EPHB1: variants seen among roughly 807,000 people sequenced by gnomAD.
The protein encoded by EPHB1 is ephrin type-B receptor 1.
In EPHB1, 30 loss-of-function variants were observed where a neutral mutation model predicts 94.4. The observed-to-expected ratio is 0.32, with a 90% CI of 0.24 to 0.43. The LOEUF (loss-of-function observed/expected upper bound fraction) is 0.43. EPHB1 is among the 20% of genes least tolerant of loss of function. The probability of loss-of-function intolerance (pLI) is 1.00; values close to 1 mark genes in which losing one functional copy is unlikely to be tolerated. For missense variants in EPHB1, 1,055 were observed against 1,308.3 expected (o/e 0.81, Z 2.99); for synonymous variants, 522 against 489.1 (o/e 1.07, Z -0.89).
chr3:134,941,014 T>G (rs2039105075), intron 2 of EPHB1, among the ~76,000 whole-genome samples: 1 of 152,206 alleles, frequency 6.6e-6, no homozygotes. Flanking sequence ...TATTCCTGTC[T>G]TAAATAAAGG....
chr3:134,932,497 T>G (rs2038925454), intron 2 of EPHB1, among the ~76,000 whole-genome samples: 1 of 152,312 alleles, frequency 6.6e-6, no homozygotes, highest in South Asian at 2.1e-4. Context: ...GGAGAAGCAG[T>G]TAAGGCCTCA....
chr3:135,086,932 T>C (rs529211461), intron 3 of EPHB1, among the ~76,000 whole-genome samples: 1 of 152,304 alleles, frequency 6.6e-6, no homozygotes, highest in Non-Finnish European at 1.5e-5. Context: ...CTGTTCTCTA[T>C]TTTTTGCCTC....
chr3:134,933,547 A>AG (rs1041010022), intron 2 of EPHB1, among the ~76,000 whole-genome samples: 1 of 151,842 alleles, frequency 6.6e-6, no homozygotes, highest in Non-Finnish European at 1.5e-5. Flanking sequence ...GATGCTAGGT[A>AG]GGAAAAAAAA....
chr3:134,884,356 A>T (rs980515728), intron 1 of EPHB1, among the ~76,000 whole-genome samples: 3 of 152,220 alleles, frequency 2.0e-5, no homozygotes, highest in South Asian at 2.1e-4. Flanking sequence ...CTATTACTTT[A>T]TTAAGCCTCA....
At chr3:135,156,846 C>A (rs1941370773) in intron 6 of EPHB1, among the ~76,000 whole-genome samples, 2 of 152,322 alleles carry the variant, frequency 1.3e-5, no homozygotes, top group Non-Finnish European at 2.9e-5. Context: ...TATTTTGGAA[C>A]AATGTGTTTA....
intron 2 of EPHB1, among the ~76,000 whole-genome samples, chr3:134,940,323 G>A (rs1324667771): frequency 6.6e-6 from 1 of 152,160 alleles, no homozygotes; most frequent in Non-Finnish European, 1.5e-5. Context: ...CACTAGATGA[G>A]CTCCTTCCAC....
chr3:135,004,733 T>C (rs1935325869), intron 3 of EPHB1, among the ~76,000 whole-genome samples: 1 of 151,896 alleles, frequency 6.6e-6, no homozygotes, highest in Non-Finnish European at 1.5e-5. Flanking sequence ...TGATACCCTT[T>C]CTTCCAGTTG....
chr3:134,988,431 A>G (rs1250003013), intron 3 of EPHB1, among the ~76,000 whole-genome samples: 1 of 152,204 alleles, frequency 6.6e-6, no homozygotes, highest in African/African-American at 2.4e-5. Context: ...TTTTCAAAAA[A>G]GAGCAGTTAG....
intron 12 of EPHB1, among the ~76,000 whole-genome samples, chr3:135,205,825 GC>G (rs1473171979): frequency 6.6e-6 from 1 of 152,130 alleles, no homozygotes; most frequent in Admixed American, 6.5e-5. Flanking sequence ...ATCACCCCTA[GC>G]CATTTTAGCA....
chr3:134,835,733 G>A (rs141607196), intron 1 of EPHB1, among the ~76,000 whole-genome samples: 56 of 152,300 alleles, frequency 3.7e-4, no homozygotes, highest in African/African-American at 1.3e-3. Context: ...TCTGTGAAGG[G>A]AATAGCCTGA....
At chr3:135,088,479 T>G (rs1193796384) in intron 3 of EPHB1, among the ~76,000 whole-genome samples, 1 of 152,078 alleles carries the variant, frequency 6.6e-6, no homozygotes, top group African/African-American at 2.4e-5. Flanking sequence ...AAATACAGGG[T>G]TTTTTTTCTC....
At chr3:135,143,986 C>G (rs899018887) in intron 5 of EPHB1, among the ~76,000 whole-genome samples, 4 of 152,188 alleles carry the variant, frequency 2.6e-5, no homozygotes, top group Non-Finnish European at 5.9e-5. Flanking sequence ...CTGCACACTT[C>G]CACCATAGGT....
intron 5 of EPHB1, among the ~76,000 whole-genome samples, chr3:135,136,817 C>G (rs1940636954): frequency 6.6e-6 from 1 of 152,184 alleles, no homozygotes. Flanking sequence ...ATTATGCAAG[C>G]TCAGATTTAT....
intron 3 of EPHB1, among the ~76,000 whole-genome samples, chr3:135,012,364 G>A (rs1270630640): frequency 2.0e-5 from 3 of 152,162 alleles, no homozygotes; most frequent in Non-Finnish European, 4.4e-5. Context: ...CTGACTTCCT[G>A]GAATAGCACA....
At chr3:135,245,513 C>CAAAAAAAAA (rs57521935) in intron 13 of EPHB1, among the ~76,000 whole-genome samples, 3 of 124,046 alleles carry the variant, frequency 2.4e-5, no homozygotes, top group African/African-American at 1.0e-4. Context: ...GAACAGTCTT[C>CAAAAAAAAA]AAAAAAAAAA....
chr3:134,804,535 G>T (rs2035999420), intron 1 of EPHB1, among the ~76,000 whole-genome samples: 1 of 152,146 alleles, frequency 6.6e-6, no homozygotes, highest in South Asian at 2.1e-4. Context: ...TGGCATCTGT[G>T]CCTGGATCTT....
chr3:135,067,510 T>G (rs2107780027), intron 3 of EPHB1: 1 of 152,406 alleles, frequency 6.6e-6, no homozygotes, highest in South Asian at 2.1e-4. Flanking sequence ...CTAGCTCCCA[T>G]GCAATCTGAA....
At chr3:134,959,712 G>A (rs1480059741) in intron 3 of EPHB1, among the ~76,000 whole-genome samples, 1 of 152,112 alleles carries the variant, frequency 6.6e-6, no homozygotes, top group Admixed American at 6.5e-5. Flanking sequence ...CCCTCAGAGG[G>A]CAATCTGAGG....
chr3:134,924,905 A>G (rs992506080), intron 1 of EPHB1, among the ~76,000 whole-genome samples: 2 of 152,352 alleles, frequency 1.3e-5, no homozygotes, highest in Non-Finnish European at 2.9e-5. Flanking sequence ...GGACAGGGAC[A>G]TGGTGGGTTA....
Sources: allele counts gnomAD v4.1 joint callset (sites outside exome capture counted in the v4.1 genomes callset), GRCh38; gene constraint gnomAD v4.1.1; transcripts MANE v1.5; gene names NCBI Gene and HGNC (gene_info 2026-07-23, HGNC 2026-07-21).